The following TGFBR2 variants were observed in gnomAD, a reference collection of about 807,000 sequenced individuals.
TGFBR2 encodes the protein TGF-beta receptor type-2.
In TGFBR2, 18 loss-of-function variants were observed where a neutral mutation model predicts 49.0. The ratio of observed to expected loss-of-function variants is 0.37; its 90% CI spans 0.25 to 0.54. The LOEUF is 0.54. Among genes scored for constraint, TGFBR2 ranks in the 20% least tolerant of loss-of-function variants. The pLI, the probability that TGFBR2 is intolerant of heterozygous loss-of-function variation, is 0.85. For synonymous variants in TGFBR2, 282 were observed against 275.9 expected (o/e 1.02, Z -0.22); for missense variants, 525 against 722.6 (o/e 0.73, Z 3.13).
At chr3:30,650,500 G>C (rs749796936) in intron 3 of TGFBR2, 40 bp downstream of exon 3, 10 of 1,609,518 alleles carry the variant, frequency 6.2e-6, no homozygotes, top group Non-Finnish European at 8.5e-6. Context: ...CCTGAGATCT[G>C]TGCCAATTTT....
At chr3:30,688,928 G>T (rs1699667379) in intron 6 of TGFBR2, among the ~76,000 whole-genome samples, 1 of 152,324 alleles carries the variant, frequency 6.6e-6, no homozygotes, top group South Asian at 2.1e-4. Context: ...AGCAGGGTTT[G>T]TCAGGCAGCT....
intron 5 of TGFBR2, among the ~76,000 whole-genome samples, chr3:30,686,971 G>C (rs1328187914): frequency 6.6e-6 from 1 of 152,122 alleles, no homozygotes; most frequent in Non-Finnish European, 1.5e-5. Context: ...TGGCATGGGA[G>C]ACCCTTGCAA....
At chr3:30,620,298 T>A (rs981139117) in intron 1 of TGFBR2, among the ~76,000 whole-genome samples, 1 of 152,208 alleles carries the variant, frequency 6.6e-6, no homozygotes, top group Non-Finnish European at 1.5e-5. Flanking sequence ...ATTCTGTTTA[T>A]GTGTTTTGTT....
chr3:30,623,395 A>T, intron 1 of TGFBR2: 1 of 1,309,104 alleles, frequency 7.6e-7, no homozygotes, highest in South Asian at 1.3e-5. Flanking sequence ...TCATATTTTC[A>T]TAGCTAAATT....
At position 30,672,852 on chromosome 3, in the gene TGFBR2, C is replaced by T. The variant is rs550383381; in HGVS notation, c.1254+415C>T. 1.2e-4 allele frequency among the ~76,000 whole-genome samples: 19 copies of T among 152,346 alleles called. No individual in the cohort carries two copies. Among genetic ancestry groups the T allele is most frequent in the Middle Eastern group, 3.4e-3 (1 of 294 alleles). ...TATTAAAAGCATCGTGGAAGGCAAT[C>T]TCCCTGAAGTCCAAATCTACATCCA... On this transcript the variant is annotated intron_variant, in intron 4 of 6. Coordinates refer to ENST00000295754, the MANE Select transcript of TGFBR2 (RefSeq NM_003242.6). The surrounding 1 kb of genome is among the most constrained non-coding windows in gnomAD (Gnocchi z 4.5).
Position 30,606,686 on chromosome 3 carries a change from CG to C in TGFBR2, c.-193del, listed in dbSNP as rs1157191070. 2.6e-6 allele frequency: 1 copy of C among 386,610 alleles called. No individual in the cohort carries two copies. Among genetic ancestry groups the C allele is most frequent in the Non-Finnish European group, 4.6e-6 (1 of 219,272 alleles). 23.9% of individuals were successfully genotyped at this position (386,610 alleles called of 1,614,324 possible). ...CTCCTGTGCAGCTTCCCTCGGCCGC[CG>C]GGGGCCTCCCCGCGCCTCGCCGGCC... On this transcript the variant is annotated 5_prime_UTR_variant, in exon 1 of 7. Transcript: ENST00000295754.
intron 3 of TGFBR2, among the ~76,000 whole-genome samples, chr3:30,652,859 T>C (rs1486257067): frequency 6.6e-6 from 1 of 152,222 alleles, no homozygotes; most frequent in African/African-American, 2.4e-5. Flanking sequence ...TGTCAAAATA[T>C]ATCATGCATT....
intron 2 of TGFBR2, among the ~76,000 whole-genome samples, chr3:30,649,880 C>T (rs1698847169): frequency 6.6e-6 from 1 of 152,184 alleles, no homozygotes; most frequent in African/African-American, 2.4e-5. Context: ...GTTTGCATTA[C>T]ATTCAGGATG....
At chr3:30,656,422 A>C (rs1698999991) in intron 3 of TGFBR2, among the ~76,000 whole-genome samples, 1 of 152,222 alleles carries the variant, frequency 6.6e-6, no homozygotes. Context: ...CCAAAACAAG[A>C]AGACATTTGC....
chr3:30,648,419 TACACACACACACAC>T (rs35473576), intron 2 of TGFBR2, among the ~76,000 whole-genome samples: 27,110 of 115,556 alleles, frequency 0.23, 2,697 homozygotes, highest in East Asian at 0.47. Context: ...AAAAACAACC[TACACACACACACAC>T]ACACACACAC....
Position 30,655,490 on chromosome 3 carries a change from A to T in TGFBR2, c.454+5030A>T, listed in dbSNP as rs17838705. ...AACCACATCCCTGTCATTGTTGGATAATATTACAAATTAGACACGTTGTTC... is the reference window on the plus strand; with the variant it reads ...AACCACATCCCTGTCATTGTTGGATTATATTACAAATTAGACACGTTGTTC... On this transcript the variant is annotated intron_variant, in intron 3 of 6. Transcript: ENST00000295754. 6.8e-3 allele frequency among the ~76,000 whole-genome samples: 1,042 copies of T among 152,340 alleles called. 14 individuals are homozygous for T. Among genetic ancestry groups the T allele is most frequent in the African/African-American group, 0.024 (997 of 41,578 alleles).
intron 3 of TGFBR2, among the ~76,000 whole-genome samples, chr3:30,653,272 G>C (rs1308653658): frequency 5.4e-5 from 1 of 18,450 alleles, no homozygotes; most frequent in Admixed American, 6.0e-4. Context: ...TTTTTTTTGA[G>C]ACAGAGTCTC....
chr3:30,660,089 T>A (rs79343694), intron 3 of TGFBR2, among the ~76,000 whole-genome samples: 4,048 of 152,260 alleles, frequency 0.027, 157 homozygotes, highest in African/African-American at 0.091. Context: ...TGCTTTTTTT[T>A]AAAAACATGT....
chr3:30,664,568 G>GA (rs1699211220), intron 3 of TGFBR2, among the ~76,000 whole-genome samples: 1 of 152,176 alleles, frequency 6.6e-6, no homozygotes, highest in South Asian at 2.1e-4. Context: ...CAAACTGGCA[G>GA]AAAACCTCAA....
intron 2 of TGFBR2, among the ~76,000 whole-genome samples, chr3:30,645,976 G>T (rs1314667885): frequency 1.3e-5 from 2 of 152,156 alleles, no homozygotes; most frequent in East Asian, 3.8e-4. Context: ...TAGAAGAGTT[G>T]TAATTTTACA....
chr3:30,622,397 C>T (rs1303131503), intron 1 of TGFBR2, among the ~76,000 whole-genome samples: 20 of 152,114 alleles, frequency 1.3e-4, no homozygotes, highest in Non-Finnish European at 1.5e-5. Context: ...TTTCTGTGTA[C>T]TTTATTGGTG....
intron 3 of TGFBR2, among the ~76,000 whole-genome samples, chr3:30,652,203 G>A (rs1165108331): frequency 6.8e-6 from 1 of 147,868 alleles, no homozygotes; most frequent in Admixed American, 6.7e-5. Context: ...CCTGTAAATG[G>A]TCCATTTCTC....
intron 5 of TGFBR2, among the ~76,000 whole-genome samples, chr3:30,686,377 G>A (rs1486156250): frequency 1.3e-5 from 2 of 152,148 alleles, no homozygotes; most frequent in African/African-American, 4.8e-5. Context: ...TGGGTCCTTT[G>A]AGGCAAAAAG....
chr3:30,628,521 C>T (rs1241809468), intron 1 of TGFBR2, among the ~76,000 whole-genome samples: 3 of 137,942 alleles, frequency 2.2e-5, no homozygotes, highest in African/African-American at 8.0e-5. Flanking sequence ...TTTGAAAAAG[C>T]CTGTGGGTTT....
Sources: gnomAD v4.1 joint callset for allele counts (sites outside exome capture counted in the v4.1 genomes callset) on GRCh38, gnomAD v4.1.1 for gene constraint, Gnocchi (gnomAD v3.1) non-coding constraint, MANE v1.5 for transcripts, NCBI Gene and HGNC (gene_info 2026-07-23, HGNC 2026-07-21) for gene names.